Variants in ACSS3 observed in about 807,000 individuals in gnomAD.
ACSS3 encodes the protein acyl-CoA synthetase short chain family member 3, also known as acyl-CoA synthetase short-chain family member 3, mitochondrial.
In ACSS3, 64 loss-of-function variants were observed where a neutral mutation model predicts 84.2. The observed-to-expected ratio is 0.76, with a 90% CI of 0.62 to 0.94. The LOEUF is 0.94. Ranked by LOEUF, ACSS3 falls within the 40% of genes least tolerant of loss-of-function variation. ACSS3 has a pLI of 0.00. For missense variants in ACSS3, 815 were observed against 867.6 expected, an observed-to-expected ratio of 0.94 and a Z score of 0.76; for synonymous variants, 317 against 310.1, an observed-to-expected ratio of 1.02 and a Z score of -0.23.
At chr12:81,252,397 G>A (rs539530590) in intron 13 of ACSS3, among the ~76,000 whole-genome samples, 1 of 152,192 alleles carries the variant, frequency 6.6e-6, no homozygotes, top group African/African-American at 2.4e-5. Context: ...CAACACAGGA[G>A]TCATTTAGCA....
At chr12:81,202,182 G>C (rs2032141454) in intron 9 of ACSS3, among the ~76,000 whole-genome samples, 1 of 151,998 alleles carries the variant, frequency 6.6e-6, no homozygotes, top group African/African-American at 2.4e-5. Context: ...GGGAGGCTGA[G>C]GCAGGAGAAT....
chr12:81,234,609 A>G (rs1243986908), intron 13 of ACSS3, among the ~76,000 whole-genome samples: 3 of 151,422 alleles, frequency 2.0e-5, no homozygotes, highest in Non-Finnish European at 1.5e-5. Flanking sequence ...GTGTAATAGT[A>G]TCTCATTGTG....
At chr12:81,180,471 ATATC>A (rs141014130) in intron 8 of ACSS3, among the ~76,000 whole-genome samples, 4,892 of 152,280 alleles carry the variant, frequency 0.032, 131 homozygotes, top group Non-Finnish European at 0.054. Context: ...GGATATATCT[ATATC>A]TATCTATCCA....
intron 8 of ACSS3, among the ~76,000 whole-genome samples, chr12:81,185,959 AT>A (rs2031231796): frequency 6.6e-6 from 1 of 152,018 alleles, no homozygotes; most frequent in African/African-American, 2.4e-5. Context: ...TTAGAAGTAT[AT>A]TACAAAGCTA....
chr12:81,164,578 A>G (rs1390793472), intron 7 of ACSS3, among the ~76,000 whole-genome samples: 1 of 152,178 alleles, frequency 6.6e-6, no homozygotes, highest in Non-Finnish European at 1.5e-5. Context: ...TTTGCATTTA[A>G]TACTCTTGCT....
At chr12:81,240,657 T>C (rs1177663754) in intron 13 of ACSS3, among the ~76,000 whole-genome samples, 2 of 151,912 alleles carry the variant, frequency 1.3e-5, no homozygotes, top group Non-Finnish European at 2.9e-5. Flanking sequence ...GTGGTTATAA[T>C]TGAACATTTT....
intron 8 of ACSS3, among the ~76,000 whole-genome samples, chr12:81,192,402 C>CAAAA: frequency 6.6e-6 from 1 of 151,220 alleles, no homozygotes; most frequent in South Asian, 2.1e-4. Flanking sequence ...AACAAACAAA[C>CAAAA]AAAAAACAGA....
chr12:81,249,457 C>T (rs947879889), intron 13 of ACSS3, among the ~76,000 whole-genome samples: 13 of 152,034 alleles, frequency 8.6e-5, no homozygotes, highest in Admixed American at 3.3e-4. Flanking sequence ...ACTCAGGACA[C>T]GGTTCACATG....
intron 7 of ACSS3, among the ~76,000 whole-genome samples, chr12:81,172,334 G>A (rs532180455): frequency 1.2e-3 from 170 of 145,268 alleles, no homozygotes; most frequent in Non-Finnish European, 2.0e-3. Context: ...TAAGACACTC[G>A]CTCTTTTAAA....
chr12:81,202,298 A>G (rs151042880), intron 9 of ACSS3, among the ~76,000 whole-genome samples: 47 of 152,030 alleles, frequency 3.1e-4, no homozygotes, highest in African/African-American at 9.9e-4. Context: ...AAATAAATAA[A>G]TAAATAAAAA....
intron 1 of ACSS3, among the ~76,000 whole-genome samples, chr12:81,102,094 T>TAC (rs1176655088): frequency 1.3e-5 from 2 of 151,664 alleles, no homozygotes; most frequent in African/African-American, 4.8e-5. Context: ...CATATATATA[T>TAC]ACACACACAC....
intron 8 of ACSS3, among the ~76,000 whole-genome samples, chr12:81,193,406 A>C (rs1398632710): frequency 6.6e-6 from 1 of 151,642 alleles, no homozygotes; most frequent in Non-Finnish European, 1.5e-5. Context: ...CTTTTTATTC[A>C]TTTCTATTTT....
intron 11 of ACSS3, among the ~76,000 whole-genome samples, chr12:81,229,387 CTT>C (rs2033380613): frequency 6.6e-6 from 1 of 151,786 alleles, no homozygotes; most frequent in African/African-American, 2.4e-5. Flanking sequence ...CTAAGATCCT[CTT>C]TGCTTTTTCA....
In ACSS3 at chr12:81,143,081, CATATTCTT is replaced by C. The variant is rs754031915; in HGVS notation, c.781-20_781-13del. 1.9e-6 allele frequency: 3 copies of C among 1,602,866 alleles called. No individual in the cohort carries two copies. In the East Asian group the frequency reaches 6.7e-5, roughly 36 times the overall value. ...TTGATTTAATCTCCTTATTACAGTA[CATATTCTT>C]ATATTTTTGCTGTGTAGGAGGCGGT... On this transcript the variant is annotated intron_variant, in intron 4 of 15. Transcript: ENST00000548058.
intron 11 of ACSS3, among the ~76,000 whole-genome samples, chr12:81,225,656 TTCAC>T (rs1565731059): frequency 1.3e-5 from 2 of 151,980 alleles, no homozygotes; most frequent in South Asian, 2.1e-4. Flanking sequence ...GTAGACATCA[TTCAC>T]TATCTTCCCT....
At chr12:81,206,607 A>C (rs2032361249) in intron 9 of ACSS3, among the ~76,000 whole-genome samples, 1 of 152,114 alleles carries the variant, frequency 6.6e-6, no homozygotes, top group Middle Eastern at 3.2e-3. Flanking sequence ...AGATGGCGTG[A>C]CAGCATCCAT....
intron 9 of ACSS3, among the ~76,000 whole-genome samples, chr12:81,205,333 A>G (rs1312643084): frequency 2.0e-5 from 3 of 152,104 alleles, no homozygotes; most frequent in Non-Finnish European, 4.4e-5. Context: ...AGAATTCCTG[A>G]CAGTAGACAA....
intron 7 of ACSS3, among the ~76,000 whole-genome samples, chr12:81,173,497 A>G (rs952257936): frequency 6.6e-6 from 1 of 152,080 alleles, no homozygotes; most frequent in African/African-American, 2.4e-5. Context: ...ATAATATTAA[A>G]GAAAACCATT....
At chr12:81,251,557 C>A (rs942765945) in intron 13 of ACSS3, among the ~76,000 whole-genome samples, 1 of 150,564 alleles carries the variant, frequency 6.6e-6, no homozygotes, top group Non-Finnish European at 1.5e-5. Context: ...CATAGCTGGG[C>A]GTGGTAGCTT....
Sources: gnomAD v4.1 joint callset for allele counts (sites outside exome capture counted in the v4.1 genomes callset) on GRCh38, gnomAD v4.1.1 for gene constraint, MANE v1.5 for transcripts, NCBI Gene and HGNC (gene_info 2026-07-23, HGNC 2026-07-21) for gene names.